The following MAK variants were observed in gnomAD, a reference collection of about 807,000 sequenced individuals.
The protein encoded by MAK is male germ cell associated kinase, also known as serine/threonine-protein kinase MAK.
A neutral mutation model predicts 82.6 loss-of-function variants in MAK; 65 were observed. The observed-to-expected ratio is 0.79, with a 90% CI of 0.64 to 0.97. MAK has a LOEUF of 0.97. MAK is among the 50% of genes least tolerant of loss of function. MAK has a pLI of 0.00. For missense variants in MAK, 703 were observed against 780.2 expected, an observed-to-expected ratio of 0.90 and a Z score of 1.18; for synonymous variants, 250 against 274.2, an observed-to-expected ratio of 0.91 and a Z score of 0.87.
In MAK at chr6:10,764,965, G is replaced by A. The variant is rs139379702; in HGVS notation, c.1793-359C>T. ...AAAAAAATCAGCTGAGCGTGGTGGC[G>A]GGTGACTGTAATCCCAGCTACTCAG... On this transcript the variant is annotated intron_variant, in intron 14 of 14. Coordinates refer to ENST00000354489, the MANE Select transcript of MAK (RefSeq NM_001242957.3). Among the ~76,000 whole-genome samples, 973 of 151,976 alleles carry A rather than the reference G, an allele frequency of 6.4e-3. 11 individuals are homozygous for A. Among genetic ancestry groups the A allele is most frequent in the African/African-American group, 0.022 (925 of 41,444 alleles).
At chr6:10,777,841 T>C (rs182371423) in intron 11 of MAK, among the ~76,000 whole-genome samples, 2 of 152,232 alleles carry the variant, frequency 1.3e-5, no homozygotes, top group Admixed American at 1.3e-4. Context: ...TTTCTCCATG[T>C]TGGTCAGGCT....
At chr6:10,777,862 T>C (rs537676551) in intron 11 of MAK, among the ~76,000 whole-genome samples, 58 of 152,282 alleles carry the variant, frequency 3.8e-4, no homozygotes, top group African/African-American at 1.3e-3. Flanking sequence ...AGTCTCGGAC[T>C]CCCAACCTCA....
chr6:10,801,458 C>T (rs2127555739), intron 8 of MAK, among the ~76,000 whole-genome samples: 1 of 152,330 alleles, frequency 6.6e-6, no homozygotes, highest in East Asian at 1.9e-4. Flanking sequence ...ACACTCCAGT[C>T]CCAGCAAGGG....
intron 1 of MAK, among the ~76,000 whole-genome samples, chr6:10,835,647 A>C (rs1370194408): frequency 3.3e-5 from 5 of 152,222 alleles, no homozygotes; most frequent in Non-Finnish European, 7.3e-5. Flanking sequence ...ACACCTAACC[A>C]AGGACAAGCA....
At chr6:10,818,810 G>A in intron 3 of MAK, 76 bp downstream of exon 3, 1 of 801,904 alleles carries the variant, frequency 1.2e-6, no homozygotes, top group Admixed American at 1.9e-5. Context: ...TTCCCACAGA[G>A]AATAAAATCA....
intron 11 of MAK, among the ~76,000 whole-genome samples, chr6:10,779,127 CAAAAAAAAAAAAAAA>C (rs918122203): frequency 1.5e-4 from 3 of 20,014 alleles, no homozygotes; most frequent in Middle Eastern, 0.056. Flanking sequence ...CACTTCGTCT[CAAAAAAAAAAAAAAA>C]AAAAAAAAAA....
intron 11 of MAK, 23 bp downstream of exon 11, chr6:10,784,401 A>T (rs772029704): frequency 6.2e-7 from 1 of 1,613,764 alleles, no homozygotes; most frequent in African/African-American, 1.3e-5. Flanking sequence ...GTTAGCAGCA[A>T]ACATTTTCTT....
chr6:10,797,961 A>G, intron 8 of MAK: 1 of 1,188,150 alleles, frequency 8.4e-7, no homozygotes, highest in Non-Finnish European at 1.1e-6. Flanking sequence ...GAATACTTCA[A>G]TGCCTAGCAC....
At chr6:10,765,994 C>T (rs970321129) in intron 14 of MAK, among the ~76,000 whole-genome samples, 6 of 152,206 alleles carry the variant, frequency 3.9e-5, no homozygotes, top group African/African-American at 1.4e-4. Flanking sequence ...AGCAGGAGAT[C>T]ATTTTACAGA....
At chr6:10,816,715 T>G (rs1018924249) in intron 4 of MAK, among the ~76,000 whole-genome samples, 2 of 152,174 alleles carry the variant, frequency 1.3e-5, no homozygotes, top group Non-Finnish European at 2.9e-5. Flanking sequence ...TGGTAATAAT[T>G]CCATCAATAT....
At chr6:10,820,030 T>C (rs1777805121) in intron 2 of MAK, among the ~76,000 whole-genome samples, 1 of 151,680 alleles carries the variant, frequency 6.6e-6, no homozygotes, top group African/African-American at 2.4e-5. Flanking sequence ...GAGAAGGGCG[T>C]GAACCCGGGA....
intron 10 of MAK, among the ~76,000 whole-genome samples, chr6:10,790,588 C>T (rs765376202): frequency 4.6e-5 from 7 of 152,120 alleles, no homozygotes; most frequent in South Asian, 2.1e-4. Context: ...TTTAGAATAG[C>T]GAGGAGGCAG....
At chr6:10,789,695 T>C (rs189787653) in intron 10 of MAK, among the ~76,000 whole-genome samples, 1 of 152,362 alleles carries the variant, frequency 6.6e-6, no homozygotes, top group African/African-American at 2.4e-5. Flanking sequence ...AGTCTCACTC[T>C]CACTCAGGCT....
intron 2 of MAK, among the ~76,000 whole-genome samples, chr6:10,822,568 A>G (rs1481734569): frequency 1.3e-5 from 2 of 152,208 alleles, no homozygotes; most frequent in Non-Finnish European, 2.9e-5. Flanking sequence ...AAGGCAATGC[A>G]TGTATCTATT....
rs183655143 is a variant in MAK at position 10,783,639 on chromosome 6, G to A, written c.1465+785C>T. Reference sequence around the variant, plus strand: ...CCATTTACATTACCCCACCCCATCCGGACATAAGCAGTGGCCTCTTAGCCA... The same window carrying A: ...CCATTTACATTACCCCACCCCATCCAGACATAAGCAGTGGCCTCTTAGCCA... On this transcript the variant is annotated intron_variant, in intron 11 of 14. Transcript: ENST00000354489. Among the ~76,000 whole-genome samples the A allele has an allele frequency of 8.5e-5, 13 of 152,200 alleles. No homozygotes were observed. In the East Asian group the frequency reaches 2.1e-3, roughly 25 times the overall value.
intron 5 of MAK, among the ~76,000 whole-genome samples, chr6:10,811,063 A>T (rs1321406573): frequency 6.6e-6 from 1 of 152,174 alleles, no homozygotes; most frequent in Non-Finnish European, 1.5e-5. Context: ...CAGTGGCATG[A>T]TCTCAGCTCA....
intron 5 of MAK, among the ~76,000 whole-genome samples, chr6:10,812,061 G>A (rs1776977528): frequency 1.3e-5 from 2 of 152,052 alleles, no homozygotes; most frequent in Non-Finnish European, 2.9e-5. Flanking sequence ...TTAGCTGGGT[G>A]TGGAAGCGTG....
At chr6:10,806,505 A>ATTTTTTTTTTTT (rs70991049) in intron 6 of MAK, among the ~76,000 whole-genome samples, 37 of 117,126 alleles carry the variant, frequency 3.2e-4, no homozygotes, top group Non-Finnish European at 4.1e-4. Flanking sequence ...CACCCGTCTA[A>ATTTTTTTTTTTT]TTTTTTTTTT....
Position 10,775,342 on chromosome 6 carries a change from T to C in MAK, c.1583A>G (p.Lys528Arg). ...LGPVGAELAFKRSNAEESIIK... is the reference protein window; with the variant it reads ...LGPVGAELAFRRSNAEESIIK... ...TCTTGCGTTACCTGCATTGCTCCTT[T>C]TGAAAGCAAGTTCTGCCCCAACGGG... The change falls in exon 12 of 15, where the codon AAA becomes AGA. Residue 528 changes from lysine to arginine, a missense_variant. Lys to Arg is a conservative substitution (Grantham distance 26). Transcript: ENST00000354489. The C allele has an allele frequency of 6.2e-7, 1 of 1,613,678 alleles. No individual in the cohort carries two copies. Among genetic ancestry groups the C allele is most frequent in the Non-Finnish European group, 8.5e-7 (1 of 1,179,682 alleles).
Sources: allele counts gnomAD v4.1 joint callset (sites outside exome capture counted in the v4.1 genomes callset), GRCh38; gene constraint gnomAD v4.1.1; transcripts MANE v1.5; gene names NCBI Gene and HGNC (gene_info 2026-07-23, HGNC 2026-07-21).